The following ARMC2 variants were observed in gnomAD, a reference collection of about 807,000 sequenced individuals.
ARMC2 encodes the protein armadillo repeat-containing protein 2.
In ARMC2, 67 loss-of-function variants were observed where a neutral mutation model predicts 90.3. The ratio of observed to expected loss-of-function variants is 0.74; its 90% confidence interval spans 0.61 to 0.91. The LOEUF (loss-of-function observed/expected upper bound fraction) is 0.91. Ranked by LOEUF, ARMC2 falls within the 40% of genes least tolerant of loss-of-function variation. The pLI is 0.00. For missense variants in ARMC2, 920 were observed against 1,030.9 expected (o/e 0.89, Z 1.47); for synonymous variants, 393 against 393.0 (o/e 1.00, Z 0.00).
chr6:108,889,604 T>C (rs1023278770), intron 5 of ARMC2, among the ~76,000 whole-genome samples: 1 of 151,706 alleles, frequency 6.6e-6, no homozygotes, highest in African/African-American at 2.4e-5. Context: ...CCATGCTAGA[T>C]AGTTTTAAAA....
At chr6:109,001,177 A>G in the ARMC2 span, 6,407 of 894,492 alleles carry the variant, frequency 7.2e-3, 32 homozygotes, top group Non-Finnish European at 8.8e-3. Flanking sequence ...AACAGGAATC[A>G]TATTATATAT....
Position 108,876,137 on chromosome 6 carries a change from T to C in ARMC2, c.464-6T>C, listed in dbSNP as rs1776907407. The C allele has an allele frequency of 1.9e-6, 3 of 1,597,496 alleles. No homozygotes were observed. The highest frequency in any genetic ancestry group is 2.6e-6 in the Non-Finnish European group (3 of 1,172,360). On this transcript the variant is annotated splice_polypyrimidine_tract_variant and splice_region_variant and intron_variant, in intron 4 of 17. Coordinates refer to ENST00000392644, the MANE Select transcript of ARMC2 (RefSeq NM_032131.6). Reference sequence around the variant, plus strand: ...TCAACAAAATATTTTCTTGGTTATATTGCAGCAAAGAAGACAGTGGAATCC... The same window carrying C: ...TCAACAAAATATTTTCTTGGTTATACTGCAGCAAAGAAGACAGTGGAATCC...
chr6:108,890,515 A>G (rs943795506), intron 5 of ARMC2, among the ~76,000 whole-genome samples: 2 of 152,094 alleles, frequency 1.3e-5, no homozygotes, highest in South Asian at 2.1e-4. Flanking sequence ...GCTTGAGGCC[A>G]GGAATTTTAG....
chr6:108,872,764 C>T (rs1212875619), intron 4 of ARMC2, among the ~76,000 whole-genome samples: 1 of 152,182 alleles, frequency 6.6e-6, no homozygotes, highest in Non-Finnish European at 1.5e-5. Context: ...CTTCAGAGGC[C>T]CTGTTGTGCC....
chr6:108,988,408 G>T, the ARMC2 span: 1 of 686,360 alleles, frequency 1.5e-6, no homozygotes. Context: ...AGGGGTACCT[G>T]AGACAGCTGT....
At chr6:108,887,985 T>C (rs943037189) in intron 5 of ARMC2, among the ~76,000 whole-genome samples, 2 of 152,148 alleles carry the variant, frequency 1.3e-5, no homozygotes, top group African/African-American at 4.8e-5. Flanking sequence ...AGGAAAAGAT[T>C]AGAGACACCC....
chr6:108,940,357 G>A (rs963614758), intron 12 of ARMC2, among the ~76,000 whole-genome samples: 1 of 152,164 alleles, frequency 6.6e-6, no homozygotes, highest in East Asian at 1.9e-4. Flanking sequence ...TCTCCTGCGC[G>A]TGAGAGAGGC....
chr6:108,898,257 G>C (rs1225841365), intron 6 of ARMC2, among the ~76,000 whole-genome samples: 1 of 152,134 alleles, frequency 6.6e-6, no homozygotes, highest in African/African-American at 2.4e-5. Flanking sequence ...GTCTGTCTCT[G>C]TCTCTCTGTC....
At chr6:109,048,719 C>T in the ARMC2 span, among the ~76,000 whole-genome samples, 2 of 152,156 alleles carry the variant, frequency 1.3e-5, no homozygotes, top group Non-Finnish European at 2.9e-5. Context: ...TAAAATAATG[C>T]TGTTCATTAC....
intron 15 of ARMC2, 73 bp downstream of exon 15, chr6:108,962,200 A>G: frequency 1.4e-5 from 16 of 1,155,070 alleles, no homozygotes; most frequent in Non-Finnish European, 1.9e-5. Flanking sequence ...TTGCAGCTTG[A>G]GTCATTACAG....
chr6:108,997,094 G>A, the ARMC2 span, among the ~76,000 whole-genome samples: 1 of 152,020 alleles, frequency 6.6e-6, no homozygotes. Flanking sequence ...TCAGATACTG[G>A]ATATGTACCT....
chr6:108,865,710 A>G (rs1775745601), intron 3 of ARMC2, among the ~76,000 whole-genome samples: 1 of 152,276 alleles, frequency 6.6e-6, no homozygotes, highest in Non-Finnish European at 1.5e-5. Flanking sequence ...TTTCCAAACC[A>G]TATTTTCACT....
At chr6:109,025,067 C>T in the ARMC2 span, among the ~76,000 whole-genome samples, 2 of 152,072 alleles carry the variant, frequency 1.3e-5, no homozygotes, top group Non-Finnish European at 2.9e-5. Flanking sequence ...AAACAGAAGG[C>T]AAATCCTAGG....
intron 3 of ARMC2, among the ~76,000 whole-genome samples, chr6:108,859,340 G>A (rs916973119): frequency 2.6e-5 from 4 of 152,032 alleles, no homozygotes; most frequent in African/African-American, 9.7e-5. Context: ...TCCTTGTGCT[G>A]GCTTTTTCGT....
At chr6:109,010,854 G>A in the ARMC2 span, among the ~76,000 whole-genome samples, 1 of 152,182 alleles carries the variant, frequency 6.6e-6, no homozygotes, top group African/African-American at 2.4e-5. Flanking sequence ...TCAGCCGTAA[G>A]CAAATACAAA....
At chr6:109,046,834 A>C in the ARMC2 span, among the ~76,000 whole-genome samples, 4 of 116,162 alleles carry the variant, frequency 3.4e-5, no homozygotes, top group African/African-American at 6.6e-5. Flanking sequence ...AAGTGAGGAG[A>C]CCCTCTGCCT....
chr6:109,008,680 T>G, the ARMC2 span: 1 of 649,120 alleles, frequency 1.5e-6, no homozygotes, highest in Non-Finnish European at 1.9e-6. Flanking sequence ...TAAGGTTACA[T>G]TAGTAACTTT....
At chr6:108,905,323 CA>C (rs373630657) in intron 8 of ARMC2, among the ~76,000 whole-genome samples, 2 of 152,076 alleles carry the variant, frequency 1.3e-5, no homozygotes, top group African/African-American at 2.4e-5. Context: ...TATGTAATAT[CA>C]GGGGGAGGCT....
intron 5 of ARMC2, among the ~76,000 whole-genome samples, chr6:108,885,913 C>T (rs1583012927): frequency 6.6e-6 from 1 of 152,302 alleles, no homozygotes; most frequent in East Asian, 1.9e-4. Context: ...TATTGGAACA[C>T]AGCCACACTC....
Sources: gnomAD v4.1 joint callset for allele counts (sites outside exome capture counted in the v4.1 genomes callset) on GRCh38, gnomAD v4.1.1 for gene constraint, MANE v1.5 for transcripts, NCBI Gene and HGNC (gene_info 2026-07-23, HGNC 2026-07-21) for gene names.